Variants in RAPGEF1 observed in about 807,000 individuals in gnomAD.
The protein encoded by RAPGEF1 is CRK SH3-binding GNRP.
In RAPGEF1, 33 loss-of-function variants were observed where a neutral mutation model predicts 143.3. That is an observed-to-expected ratio of 0.23 (90% confidence interval 0.17 to 0.31). The LOEUF is 0.31. Ranked by LOEUF, RAPGEF1 falls within the 10% of genes least tolerant of loss-of-function variation. The pLI is 1.00. For missense variants in RAPGEF1, 1,199 were observed against 1,645.4 expected (o/e 0.73, Z 4.69); for synonymous variants, 629 against 676.5 (o/e 0.93, Z 1.09).
Position 131,616,023 on chromosome 9 carries a change from T to C in RAPGEF1, c.2061+3028A>G, listed in dbSNP as rs185950465. On this transcript the variant is annotated intron_variant, in intron 12 of 26. Coordinates refer to ENST00000683357, the MANE Select transcript of RAPGEF1 (RefSeq NM_001377935.1). ...GGCTCACGCCTGTAATCCCAGCACT[T>C]TGGGAGGCCGAGGTGGGCAGATCAC... Among the ~76,000 whole-genome samples, 178 of 152,188 alleles carry C rather than the reference T, an allele frequency of 1.2e-3. 2 individuals are homozygous for C. The East Asian group carries it at 0.03, about 26-fold the overall frequency.
At chr9:131,688,669 C>A (rs1334192344) in intron 1 of RAPGEF1, among the ~76,000 whole-genome samples, 2 of 152,154 alleles carry the variant, frequency 1.3e-5, no homozygotes, top group East Asian at 3.9e-4. Context: ...TGGTGGCTCA[C>A]CCCTGTAATC....
In RAPGEF1 at chr9:131,641,284, CCT is replaced by C. The variant is rs753505476; in HGVS notation, c.494+1953_494+1954del. On this transcript the variant is annotated intron_variant, in intron 4 of 26. Transcript: ENST00000683357. This position sits in a 1 kb window ranked among gnomAD's most constrained non-coding sequence, Gnocchi z 4.6. ...ATCAGTCGCCTCTTCCCACTGTTCC[CCT>C]CTCGTCCATGCTCTAGGACATATAC... is the stretch of plus-strand genomic sequence containing the variant. Among the ~76,000 whole-genome samples the C allele has an allele frequency of 2.6e-4, 39 of 152,142 alleles. No individual in the cohort carries two copies. Among genetic ancestry groups the C allele is most frequent in the Admixed American group, 8.5e-4 (13 of 15,278 alleles).
At chr9:131,605,991 T>C (rs1957063108) in intron 12 of RAPGEF1, among the ~76,000 whole-genome samples, 1 of 152,150 alleles carries the variant, frequency 6.6e-6, no homozygotes, top group Non-Finnish European at 1.5e-5. Flanking sequence ...GGAGGATCAC[T>C]TGAGCCCAGA....
intron 1 of RAPGEF1, among the ~76,000 whole-genome samples, chr9:131,703,941 T>C (rs978306535): frequency 6.6e-6 from 1 of 152,224 alleles, no homozygotes; most frequent in Non-Finnish European, 1.5e-5. Context: ...TCCATGTCCA[T>C]GGATCTGGTA....
intron 11 of RAPGEF1, among the ~76,000 whole-genome samples, chr9:131,619,712 T>C (rs1055113458): frequency 3.3e-5 from 5 of 152,172 alleles, no homozygotes; most frequent in African/African-American, 1.2e-4. Context: ...TACAGGGCTG[T>C]TGGGAGGATG....
At chr9:131,620,868 C>G (rs1960737652) in intron 11 of RAPGEF1, among the ~76,000 whole-genome samples, 1 of 152,212 alleles carries the variant, frequency 6.6e-6, no homozygotes, top group African/African-American at 2.4e-5. Context: ...TGTCCTCTCG[C>G]AATGGATAAA....
In RAPGEF1 at chr9:131,598,268, C is replaced by T. The variant is rs11243446; in HGVS notation, c.2544G>A (p.Glu848=). The T allele has an allele frequency of 0.033, 53,938 of 1,613,912 alleles. 2,116 individuals are homozygous for T. The highest frequency in any genetic ancestry group is 0.17 in the African/African-American group (12,558 of 75,010). The part of the protein sequence containing the change: ...SPDALESAQS[E]EEVDELSLID... ...TGAGGGACAGCTCGTCCACTTCCTCCTCCGACTGAGCCGACTCCAGAGCAT... is the reference window on the plus strand; with the variant it reads ...TGAGGGACAGCTCGTCCACTTCCTCTTCCGACTGAGCCGACTCCAGAGCAT... Residue 848 remains glutamate, a synonymous_variant, in exon 16 of 27, where the codon GAG becomes GAA. Transcript: ENST00000683357.
chr9:131,591,927 G>A (rs2296952), intron 18 of RAPGEF1, among the ~76,000 whole-genome samples, 172 bp downstream of exon 18: 124,050 of 152,156 alleles, frequency 0.82, 50,703 homozygotes, highest in Non-Finnish European at 0.84. Flanking sequence ...GCTGGAATGC[G>A]GGAGGGTAGA....
intron 1 of RAPGEF1, among the ~76,000 whole-genome samples, chr9:131,721,226 A>G (rs1034241190): frequency 2.0e-5 from 3 of 152,138 alleles, no homozygotes; most frequent in Admixed American, 1.3e-4. Context: ...TTACTCCCTC[A>G]GTGTTTTCTC....
chr9:131,669,131 T>C (rs7049011), intron 1 of RAPGEF1, among the ~76,000 whole-genome samples: 58,557 of 152,074 alleles, frequency 0.39, 11,442 homozygotes, highest in South Asian at 0.48. Flanking sequence ...AGGCAGGAGG[T>C]GGCAGCAGAC....
At chr9:131,598,504 C>T in intron 15 of RAPGEF1, 194 bp from the exon 16 acceptor site, 1 of 695,446 alleles carries the variant, frequency 1.4e-6, no homozygotes, top group Non-Finnish European at 2.6e-6. Flanking sequence ...ACAGTCGCTG[C>T]TGCCTCTGGA....
At chr9:131,629,531 C>T (rs1001615842) in intron 6 of RAPGEF1, among the ~76,000 whole-genome samples, 3 of 152,156 alleles carry the variant, frequency 2.0e-5, no homozygotes, top group African/African-American at 7.2e-5. Context: ...TGGCTCACAC[C>T]TATAATCCCA....
intron 1 of RAPGEF1, among the ~76,000 whole-genome samples, chr9:131,699,648 C>T (rs1834480002): frequency 6.6e-6 from 1 of 152,166 alleles, no homozygotes; most frequent in Non-Finnish European, 1.5e-5. Flanking sequence ...TCATGTGTCA[C>T]CGAAGCCCCC....
chr9:131,579,364 G>A lies in RAPGEF1; in HGVS notation c.*133C>T, dbSNP rs1032143066. The A allele has an allele frequency of 1.3e-5, 17 of 1,302,112 alleles. No homozygotes were observed. The highest frequency in any genetic ancestry group is 2.9e-5 in the South Asian group (2 of 68,480). The allele number at this position is 1,302,112 out of a possible 1,614,324, so 80.7% of individuals were successfully genotyped here. A position where few individuals can be genotyped will look rare whatever the true frequency, so the allele number is the denominator to read the frequency against. On this transcript the variant is annotated 3_prime_UTR_variant, in exon 27 of 27. Transcript: ENST00000683357. ...CAGGCTCCAGCTCCCGCCCGGCCCC[G>A]CTGAGGGCTGGCCAGCCTCATGGCT... is the stretch of plus-strand genomic sequence containing the variant.
intron 10 of RAPGEF1, 52 bp from the exon 11 acceptor site, chr9:131,622,050 G>A: frequency 6.5e-7 from 1 of 1,532,400 alleles, no homozygotes; most frequent in East Asian, 2.4e-5. Context: ...CCACATCAGG[G>A]AACCCCTCCC....
chr9:131,709,327 C>A (rs58400941), intron 1 of RAPGEF1, among the ~76,000 whole-genome samples: 4,008 of 152,230 alleles, frequency 0.026, 133 homozygotes, highest in East Asian at 0.09. Context: ...GCCTGGGCGA[C>A]AGAACGAGAC....
chr9:131,593,940 G>A (rs1003807010), intron 17 of RAPGEF1, among the ~76,000 whole-genome samples: 1 of 152,196 alleles, frequency 6.6e-6, no homozygotes, highest in Non-Finnish European at 1.5e-5. Flanking sequence ...TGACAACTTC[G>A]TGGGACTCGC....
chr9:131,609,118 A>G lies in RAPGEF1; in HGVS notation c.2062-3930T>C, dbSNP rs1453713261. On this transcript the variant is annotated intron_variant, in intron 12 of 26. Transcript: ENST00000683357. ...ACAAGATCTAGGGGTGCCAGTTAGG[A>G]GAGGGGTGCCTGGCCCCCAATGTCA... is the stretch of plus-strand genomic sequence containing the variant. Among the ~76,000 whole-genome samples, 3 of 152,168 alleles carry G rather than the reference A, an allele frequency of 2.0e-5. No homozygotes were observed. In the East Asian group the frequency reaches 5.8e-4, roughly 29 times the overall value.
chr9:131,626,518 G>A, intron 9 of RAPGEF1, 96 bp from the exon 10 acceptor site: 3 of 1,283,644 alleles, frequency 2.3e-6, no homozygotes, highest in Non-Finnish European at 3.2e-6. Flanking sequence ...TCGCTCATGG[G>A]TGTGTGACAA....
Sources: gnomAD v4.1 joint callset for allele counts (sites outside exome capture counted in the v4.1 genomes callset) on GRCh38, gnomAD v4.1.1 for gene constraint, Gnocchi (gnomAD v3.1) non-coding constraint, MANE v1.5 for transcripts, NCBI Gene and HGNC (gene_info 2026-07-23, HGNC 2026-07-21) for gene names.